VTI1A: variants seen among roughly 807,000 people sequenced by gnomAD.
VTI1A encodes the protein vesicle transport through interaction with t-SNAREs homolog 1A.
VTI1A carries 22 observed loss-of-function variants against 34.9 expected under a neutral mutation model. The observed-to-expected ratio is 0.63, with a 90% CI of 0.45 to 0.90. VTI1A has a LOEUF of 0.90. VTI1A is among the 40% of genes least tolerant of loss of function. The pLI, the probability that VTI1A is intolerant of heterozygous loss-of-function variation, is 0.00. For missense variants in VTI1A, 268 were observed against 275.6 expected (o/e 0.97, Z 0.20); for synonymous variants, 87 against 97.3 (o/e 0.89, Z 0.62).
intron 5 of VTI1A, among the ~76,000 whole-genome samples, chr10:112,545,831 G>A (rs545890122): frequency 2.1e-4 from 32 of 152,016 alleles, no homozygotes; most frequent in Admixed American, 1.2e-3. Context: ...GTGTGTGTGC[G>A]CACGCGTGCG....
At chr10:112,659,281 T>C (rs1323799054) in intron 5 of VTI1A, among the ~76,000 whole-genome samples, 2 of 152,200 alleles carry the variant, frequency 1.3e-5, no homozygotes, top group Admixed American at 6.5e-5. Flanking sequence ...TGCTGCTTCA[T>C]CTCCTGGCTT....
At chr10:112,579,652 A>G (rs556065256) in intron 5 of VTI1A, among the ~76,000 whole-genome samples, 1 of 152,264 alleles carries the variant, frequency 6.6e-6, no homozygotes, top group Non-Finnish European at 1.5e-5. Flanking sequence ...TCATCTCATA[A>G]ATGCTACTTT....
intron 5 of VTI1A, among the ~76,000 whole-genome samples, chr10:112,539,267 G>A (rs1447815176): frequency 1.3e-5 from 2 of 152,064 alleles, no homozygotes; most frequent in African/African-American, 4.8e-5. Context: ...TGTTTATTTT[G>A]TAAGAACAGG....
chr10:112,689,477 T>C (rs1001722841), intron 7 of VTI1A, among the ~76,000 whole-genome samples: 2 of 152,082 alleles, frequency 1.3e-5, no homozygotes, highest in Admixed American at 6.6e-5. Flanking sequence ...ATGGGTGGGG[T>C]GCCCTGGTAG....
At chr10:112,458,607 ATAATC>A (rs1000549037) in intron 1 of VTI1A, among the ~76,000 whole-genome samples, 37 of 151,986 alleles carry the variant, frequency 2.4e-4, no homozygotes, top group African/African-American at 8.9e-4. Context: ...GAATCTACTA[ATAATC>A]TAATCATTGT....
intron 7 of VTI1A, among the ~76,000 whole-genome samples, chr10:112,809,103 C>T (rs1183219705): frequency 2.0e-5 from 3 of 152,122 alleles, no homozygotes; most frequent in African/African-American, 7.2e-5. Context: ...TGAATTCTCG[C>T]GATGGGGCTG....
chr10:112,709,564 C>A (rs1210965797), intron 7 of VTI1A, among the ~76,000 whole-genome samples: 1 of 151,962 alleles, frequency 6.6e-6, no homozygotes, highest in Non-Finnish European at 1.5e-5. Context: ...TGGACATTTA[C>A]CTTCTCTTCC....
At chr10:112,538,422 G>C (rs1850735247) in intron 5 of VTI1A, 92 bp downstream of exon 5, 1 of 1,176,226 alleles carries the variant, frequency 8.5e-7, no homozygotes, top group South Asian at 1.3e-5. Flanking sequence ...AGGAGTAGCA[G>C]AGACAGCAGC....
intron 5 of VTI1A, among the ~76,000 whole-genome samples, chr10:112,552,496 G>A (rs1188229973): frequency 5.9e-5 from 9 of 152,014 alleles, no homozygotes; most frequent in Admixed American, 4.6e-4. Flanking sequence ...AGAGATGCAC[G>A]AGTTTTTCTC....
At chr10:112,469,637 C>G (rs1318939902) in intron 3 of VTI1A, among the ~76,000 whole-genome samples, 1 of 152,124 alleles carries the variant, frequency 6.6e-6, no homozygotes, top group Non-Finnish European at 1.5e-5. Context: ...TTTTGAATGA[C>G]TGTAGTGTTT....
intron 7 of VTI1A, among the ~76,000 whole-genome samples, chr10:112,735,556 T>G (rs1194805669): frequency 1.3e-5 from 2 of 152,146 alleles, no homozygotes; most frequent in African/African-American, 4.8e-5. Flanking sequence ...TCAAAACTGG[T>G]TTCCTTACAC....
chr10:112,542,266 A>G (rs1850897872), intron 5 of VTI1A, among the ~76,000 whole-genome samples: 1 of 152,136 alleles, frequency 6.6e-6, no homozygotes. Flanking sequence ...TAATACGTAA[A>G]CAGGTAGCTT....
the VTI1A span, among the ~76,000 whole-genome samples, chr10:112,851,060 A>G: frequency 1.3e-5 from 2 of 152,196 alleles, no homozygotes; most frequent in South Asian, 2.1e-4. Flanking sequence ...CTGCTTTCAC[A>G]TGGAAGATTG....
At chr10:112,760,185 C>A (rs1214081041) in intron 7 of VTI1A, among the ~76,000 whole-genome samples, 1 of 152,158 alleles carries the variant, frequency 6.6e-6, no homozygotes, top group South Asian at 2.1e-4. Flanking sequence ...GTTCCAAGAC[C>A]GCCAGTGGAT....
At chr10:112,748,505 G>A (rs1161945971) in intron 7 of VTI1A, among the ~76,000 whole-genome samples, 1 of 149,574 alleles carries the variant, frequency 6.7e-6, no homozygotes, top group Non-Finnish European at 1.5e-5. Context: ...TGCCCAACAA[G>A]TCCTTTATTA....
At chr10:112,741,047 C>T (rs560604787) in intron 7 of VTI1A, among the ~76,000 whole-genome samples, 78 of 152,274 alleles carry the variant, frequency 5.1e-4, no homozygotes, top group African/African-American at 1.9e-3. Context: ...AAGCCAGATA[C>T]AAGAGACCAC....
chr10:112,614,562 T>C (rs897327870), intron 5 of VTI1A, among the ~76,000 whole-genome samples: 2 of 152,140 alleles, frequency 1.3e-5, no homozygotes, highest in African/African-American at 4.8e-5. Flanking sequence ...AAGAAGAAGC[T>C]TTGAAGGGGG....
chr10:112,572,592 A>G (rs1219690189), intron 5 of VTI1A, among the ~76,000 whole-genome samples: 1 of 152,200 alleles, frequency 6.6e-6, no homozygotes, highest in Non-Finnish European at 1.5e-5. Flanking sequence ...TAATCCCAGC[A>G]CTTTGGGAGG....
chr10:112,687,557 G>C (rs1433332842), intron 7 of VTI1A, among the ~76,000 whole-genome samples: 1 of 150,672 alleles, frequency 6.6e-6, no homozygotes, highest in Non-Finnish European at 1.5e-5. Context: ...CAACAATTTT[G>C]CTTTAATAGG....
Sources: gnomAD v4.1 joint callset for allele counts (sites outside exome capture counted in the v4.1 genomes callset) on GRCh38, gnomAD v4.1.1 for gene constraint, MANE v1.5 for transcripts, NCBI Gene and HGNC (gene_info 2026-07-23, HGNC 2026-07-21) for gene names.